DHRS7B: variants seen among roughly 807,000 people sequenced by gnomAD.
DHRS7B encodes the protein peroxisomal reductase activating PPAR-gamma.
A neutral mutation model predicts 26.4 loss-of-function variants in DHRS7B; 24 were observed. That is an observed-to-expected ratio of 0.91 (90% confidence interval 0.66 to 1.28). DHRS7B has a LOEUF of 1.28. Among genes scored for constraint, DHRS7B ranks in the 50% most tolerant of loss-of-function variants. DHRS7B has a pLI of 0.00. For synonymous variants in DHRS7B, 142 were observed against 166.4 expected, an observed-to-expected ratio of 0.85 and a Z score of 1.13; for missense variants, 368 against 419.4, an observed-to-expected ratio of 0.88 and a Z score of 1.07.
Position 21,183,592 on chromosome 17 carries a change from A to C in DHRS7B, c.310-2A>C, listed in dbSNP as rs1364065687. 3 of 1,612,560 alleles carry C rather than the reference A, an allele frequency of 1.9e-6. No homozygotes were observed. The highest frequency in any genetic ancestry group is 2.5e-6 in the Non-Finnish European group (3 of 1,179,974). On this transcript the variant is annotated splice_acceptor_variant, in intron 3 of 6. Coordinates refer to ENST00000395511, the MANE Select transcript of DHRS7B (RefSeq NM_015510.5). LOFTEE classifies it high-confidence loss of function. ...GAATTTGTATCTGTTGTATTTGACCAGGTGCAGACACACAAGCCTTACTTG... is the reference window on the plus strand; with the variant it reads ...GAATTTGTATCTGTTGTATTTGACCCGGTGCAGACACACAAGCCTTACTTG...
chr17:21,175,115 G>A (rs1298734610), intron 2 of DHRS7B, among the ~76,000 whole-genome samples: 2 of 152,224 alleles, frequency 1.3e-5, no homozygotes, highest in African/African-American at 2.4e-5. Context: ...TGTATGGAGA[G>A]GCGCCTGGGG....
intron 1 of DHRS7B, 120 bp from the exon 2 acceptor site, chr17:21,171,898 C>G: frequency 7.9e-7 from 1 of 1,263,206 alleles, no homozygotes; most frequent in Non-Finnish European, 1.2e-6. Flanking sequence ...CTTGCTAGGG[C>G]TTAGAGCTGG....
At chr17:21,171,962 A>G (rs1433889646) in intron 1 of DHRS7B, 56 bp from the exon 2 acceptor site, 4 of 1,603,878 alleles carry the variant, frequency 2.5e-6, no homozygotes, top group Admixed American at 3.3e-5. Context: ...GAGCCTAGGA[A>G]AGTCCCCTGA....
At chr17:21,138,775 T>C (rs1293838810) in intron 1 of DHRS7B, among the ~76,000 whole-genome samples, 1 of 152,092 alleles carries the variant, frequency 6.6e-6, no homozygotes, top group East Asian at 1.9e-4. Flanking sequence ...CATCCTTCTG[T>C]TTTTTTAGCA....
intron 2 of DHRS7B, among the ~76,000 whole-genome samples, chr17:21,177,982 G>T (rs1472974039): frequency 1.3e-5 from 2 of 152,250 alleles, no homozygotes; most frequent in African/African-American, 4.8e-5. Flanking sequence ...GGAACATCAT[G>T]GGGTGTTCTG....
intron 1 of DHRS7B, among the ~76,000 whole-genome samples, chr17:21,139,264 T>C (rs1489146505): frequency 1.3e-5 from 2 of 152,220 alleles, no homozygotes; most frequent in Non-Finnish European, 2.9e-5. Flanking sequence ...CCAGTATTAA[T>C]GTCTTATTTA....
chr17:21,154,346 T>G lies in DHRS7B; in HGVS notation c.21-17672T>G, dbSNP rs142741188. Among the ~76,000 whole-genome samples, 91 of 151,696 alleles carry G rather than the reference T, an allele frequency of 6.0e-4. No individual in the cohort carries two copies. The East Asian group carries it at 0.017, about 29-fold the overall frequency. ...AAAATTACATCTGACTTCTCAGAAA[T>G]TATGCAAATGAGAAGAGAATGGTGT... On this transcript the variant is annotated intron_variant, in intron 1 of 6. Coordinates refer to ENST00000395511, the MANE Select transcript of DHRS7B (RefSeq NM_015510.5).
intron 1 of DHRS7B, among the ~76,000 whole-genome samples, chr17:21,164,150 T>A (rs1974059839): frequency 1.3e-5 from 2 of 150,054 alleles, no homozygotes; most frequent in Non-Finnish European, 3.0e-5. Context: ...CACCTCAGCC[T>A]CCTGAGTAGC....
intron 2 of DHRS7B, among the ~76,000 whole-genome samples, chr17:21,176,378 A>T (rs2144158502): frequency 6.6e-6 from 1 of 152,120 alleles, no homozygotes; most frequent in Admixed American, 6.5e-5. Flanking sequence ...TGGCAGGAAG[A>T]TCGCTTGAGC....
chr17:21,138,091 T>TACACACACAC (rs1207234984), intron 1 of DHRS7B, among the ~76,000 whole-genome samples: 70 of 53,382 alleles, frequency 1.3e-3, no homozygotes, highest in African/African-American at 3.6e-3. Flanking sequence ...TATATATATA[T>TACACACACAC]ATATATATAT....
intron 1 of DHRS7B, chr17:21,166,133 C>G: frequency 8.1e-6 from 8 of 985,390 alleles, no homozygotes; most frequent in South Asian, 4.7e-5. Context: ...TCCGCCCCCC[C>G]TCACAGGATT....
At chr17:21,135,463 A>T (rs1973321202) in intron 1 of DHRS7B, among the ~76,000 whole-genome samples, 2 of 152,222 alleles carry the variant, frequency 1.3e-5, no homozygotes, top group African/African-American at 4.8e-5. Flanking sequence ...TGATATCACA[A>T]AATAGGATCA....
intron 1 of DHRS7B, among the ~76,000 whole-genome samples, chr17:21,150,864 A>G (rs1169475404): frequency 2.0e-5 from 3 of 152,192 alleles, no homozygotes; most frequent in Non-Finnish European, 4.4e-5. Context: ...CACAGCTGCA[A>G]AGTTTCTTTT....
chr17:21,170,956 G>A (rs981544935), intron 1 of DHRS7B, among the ~76,000 whole-genome samples: 1 of 152,090 alleles, frequency 6.6e-6, no homozygotes, highest in African/African-American at 2.4e-5. Context: ...TAGAGCTACA[G>A]TCTGGTTTGC....
intron 2 of DHRS7B, among the ~76,000 whole-genome samples, chr17:21,176,722 C>G (rs1974387181): frequency 6.6e-6 from 1 of 151,762 alleles, no homozygotes; most frequent in South Asian, 2.1e-4. Flanking sequence ...CACGGTCACA[C>G]CCCGAGGGAC....
chr17:21,164,634 C>T (rs1320618093), intron 1 of DHRS7B, among the ~76,000 whole-genome samples: 3 of 152,186 alleles, frequency 2.0e-5, no homozygotes, highest in Non-Finnish European at 4.4e-5. Flanking sequence ...TTGGACAGCC[C>T]ACTACTCTGT....
At chr17:21,175,199 C>T (rs570288137) in intron 2 of DHRS7B, among the ~76,000 whole-genome samples, 5 of 152,308 alleles carry the variant, frequency 3.3e-5, no homozygotes, top group South Asian at 2.1e-4. Flanking sequence ...ATGAGACAGA[C>T]GTCAGGGAGC....
chr17:21,166,539 CCA>C, intron 1 of DHRS7B: 2 of 732,800 alleles, frequency 2.7e-6, no homozygotes, highest in Non-Finnish European at 3.1e-6. Flanking sequence ...ACATTTGAGA[CCA>C]AAAAAAAAAA....
chr17:21,144,463 T>C (rs1973597282), intron 1 of DHRS7B, among the ~76,000 whole-genome samples: 1 of 152,142 alleles, frequency 6.6e-6, no homozygotes, highest in African/African-American at 2.4e-5. Flanking sequence ...GGAATCTAGA[T>C]TTATGAAAAC....
Sources: gnomAD v4.1 joint callset for allele counts (sites outside exome capture counted in the v4.1 genomes callset) on GRCh38, gnomAD v4.1.1 for gene constraint, MANE v1.5 for transcripts, NCBI Gene and HGNC (gene_info 2026-07-23, HGNC 2026-07-21) for gene names.